The following NIBAN1 variants were observed in gnomAD, a reference collection of about 807,000 sequenced individuals.
NIBAN1 encodes the protein protein Niban 1.
NIBAN1 carries 81 observed loss-of-function variants against 75.1 expected under a neutral mutation model. The observed-to-expected ratio is 1.08, with a 90% confidence interval of 0.90 to 1.30. The LOEUF is 1.30. Among genes scored for constraint, NIBAN1 ranks in the 50% most tolerant of loss-of-function variants. The pLI is 0.00. For missense variants in NIBAN1, 1,133 were observed against 1,128.1 expected (o/e 1.00, Z -0.06); for synonymous variants, 436 against 424.8 (o/e 1.03, Z -0.32).
chr1:184,871,368 A>AAG (rs1400138720), intron 5 of NIBAN1, among the ~76,000 whole-genome samples: 19,189 of 121,580 alleles, frequency 0.16, 2,673 homozygotes, highest in East Asian at 0.44. Context: ...AAAAAAAAAA[A>AAG]AAAAAGAGGA....
intron 5 of NIBAN1, among the ~76,000 whole-genome samples, chr1:184,841,923 A>G (rs1655297177): frequency 6.6e-6 from 1 of 152,156 alleles, no homozygotes; most frequent in African/African-American, 2.4e-5. Flanking sequence ...CATGTGAGAT[A>G]TGTCTTTCCC....
intron 8 of NIBAN1, among the ~76,000 whole-genome samples, chr1:184,822,193 G>A (rs1192475517): frequency 1.3e-5 from 2 of 152,202 alleles, no homozygotes; most frequent in African/African-American, 2.4e-5. Context: ...GAGCCTGCAA[G>A]CTTCTCCTCT....
chr1:184,894,315 T>A (rs1326488182), intron 2 of NIBAN1, 109 bp from the exon 3 acceptor site: 1 of 1,216,616 alleles, frequency 8.2e-7, no homozygotes, highest in African/African-American at 1.6e-5. Flanking sequence ...TATCTTCCAC[T>A]GAGATCCTGG....
intron 1 of NIBAN1, among the ~76,000 whole-genome samples, chr1:184,971,046 G>A (rs1658923290): frequency 1.3e-5 from 2 of 152,224 alleles, no homozygotes; most frequent in East Asian, 1.9e-4. Flanking sequence ...AGCACTTTGG[G>A]AGGCCAAGGC....
intron 6 of NIBAN1, among the ~76,000 whole-genome samples, chr1:184,830,869 A>C (rs1654979531): frequency 6.6e-6 from 1 of 151,988 alleles, no homozygotes; most frequent in South Asian, 2.1e-4. Flanking sequence ...GAGTGGTGGC[A>C]TGCATCTGTA....
chr1:184,867,777 G>T, intron 5 of NIBAN1: 1 of 792,788 alleles, frequency 1.3e-6, no homozygotes, highest in Non-Finnish European at 1.5e-6. Flanking sequence ...CTTACAAATT[G>T]AGTTTGGTTT....
At chr1:184,900,653 T>C (rs940247631) in intron 1 of NIBAN1, among the ~76,000 whole-genome samples, 28 of 151,878 alleles carry the variant, frequency 1.8e-4, no homozygotes, top group Admixed American at 5.2e-4. Flanking sequence ...TTAGAGAGTA[T>C]GGAAATTGCA....
chr1:184,961,673 GT>G (rs1658654163), intron 1 of NIBAN1, among the ~76,000 whole-genome samples: 1 of 152,178 alleles, frequency 6.6e-6, no homozygotes, highest in Non-Finnish European at 1.5e-5. Context: ...CAGTTCAGGG[GT>G]GAATCTTGAT....
chr1:184,864,851 C>T (rs968883365), intron 5 of NIBAN1, among the ~76,000 whole-genome samples: 1 of 151,072 alleles, frequency 6.6e-6, no homozygotes, highest in South Asian at 2.1e-4. Flanking sequence ...CATATGTACC[C>T]TAAAACTTAA....
intron 4 of NIBAN1, 43 bp from the exon 5 acceptor site, chr1:184,884,843 T>A (rs780730485): frequency 6.3e-7 from 1 of 1,597,472 alleles, no homozygotes; most frequent in Non-Finnish European, 8.5e-7. Context: ...AAAACATGTA[T>A]CTTTTATTTC....
At chr1:184,835,411 T>A (rs1655111658) in intron 5 of NIBAN1, among the ~76,000 whole-genome samples, 1 of 152,252 alleles carries the variant, frequency 6.6e-6, no homozygotes, top group African/African-American at 2.4e-5. Flanking sequence ...GGAGATGGCA[T>A]TGAATCTATA....
chr1:184,936,827 A>G (rs1657973889), intron 1 of NIBAN1, among the ~76,000 whole-genome samples: 1 of 152,132 alleles, frequency 6.6e-6, no homozygotes, highest in Non-Finnish European at 1.5e-5. Flanking sequence ...TTTTTTCCAA[A>G]TAAGGTAACA....
At chr1:184,874,048 T>C (rs1383126037) in intron 5 of NIBAN1, among the ~76,000 whole-genome samples, 1 of 152,134 alleles carries the variant, frequency 6.6e-6, no homozygotes, top group Non-Finnish European at 1.5e-5. Flanking sequence ...AAGTTATCTA[T>C]ATTTTTTGAG....
chr1:184,870,029 C>G (rs1656060773), intron 5 of NIBAN1, among the ~76,000 whole-genome samples: 1 of 152,174 alleles, frequency 6.6e-6, no homozygotes, highest in Non-Finnish European at 1.5e-5. Context: ...TGAAGGGATG[C>G]TGTTTAAAAT....
At chr1:184,959,071 C>T (rs1167985898) in intron 1 of NIBAN1, among the ~76,000 whole-genome samples, 7 of 152,170 alleles carry the variant, frequency 4.6e-5, no homozygotes, top group Admixed American at 6.5e-5. Flanking sequence ...GTTCTGTGTG[C>T]GAACCAGAAT....
At chr1:184,969,399 T>C (rs1310585740) in intron 1 of NIBAN1, among the ~76,000 whole-genome samples, 1 of 152,146 alleles carries the variant, frequency 6.6e-6, no homozygotes, top group Non-Finnish European at 1.5e-5. Flanking sequence ...CTCATCAAGA[T>C]AAAAACAGCA....
At chr1:184,809,637 G>A (rs1008864342) in intron 9 of NIBAN1, among the ~76,000 whole-genome samples, 4 of 146,234 alleles carry the variant, frequency 2.7e-5, no homozygotes, top group African/African-American at 1.0e-4. Flanking sequence ...ATATATGTGT[G>A]TGTGTATATA....
chr1:184,858,875 G>T (rs1262002711), intron 5 of NIBAN1, among the ~76,000 whole-genome samples: 5 of 152,058 alleles, frequency 3.3e-5, no homozygotes, highest in East Asian at 1.9e-4. Flanking sequence ...AGTATCAATT[G>T]ACTTGGAGGG....
intron 5 of NIBAN1, among the ~76,000 whole-genome samples, chr1:184,856,699 G>T (rs1023340972): frequency 1.3e-5 from 2 of 152,150 alleles, no homozygotes; most frequent in African/African-American, 4.8e-5. Flanking sequence ...AACAAGATTT[G>T]GTTCATGGGC....
Sources: allele counts gnomAD v4.1 joint callset (sites outside exome capture counted in the v4.1 genomes callset), GRCh38; gene constraint gnomAD v4.1.1; transcripts MANE v1.5; gene names NCBI Gene and HGNC (gene_info 2026-07-23, HGNC 2026-07-21).